The following ATP11B variants were observed in gnomAD, a reference collection of about 807,000 sequenced individuals.
ATP11B encodes the protein phospholipid-transporting ATPase IF.
ATP11B carries 81 observed loss-of-function variants against 157.8 expected under a neutral mutation model. That is an observed-to-expected ratio of 0.51 (90% CI 0.43 to 0.62). The LOEUF (loss-of-function observed/expected upper bound fraction) is 0.62. ATP11B is among the 20% of genes least tolerant of loss of function. The pLI is 0.00. For missense variants in ATP11B, 1,165 were observed against 1,402.2 expected (o/e 0.83, Z 2.70); for synonymous variants, 451 against 469.4 (o/e 0.96, Z 0.51).
Position 182,897,414 on chromosome 3 carries a change from A to AAT in ATP11B, c.3152+13_3152+14dup. On this transcript the variant is annotated intron_variant, in intron 27 of 29. Transcript: ENST00000323116. ...TTATGGAGGGATTCTCTGGTGAGTG[A>AAT]ATATATTGTATTTTAATTGGATTGC... 1 of 1,493,906 alleles carries AAT rather than the reference A, an allele frequency of 6.7e-7. No individual in the cohort carries two copies. Among genetic ancestry groups the AAT allele is most frequent in the Non-Finnish European group, 9.1e-7 (1 of 1,096,904 alleles). The allele number at this position is 1,493,906 out of a possible 1,614,324, so 92.5% of individuals were successfully genotyped here. A position where few individuals can be genotyped will look rare whatever the true frequency, so the allele number is the denominator to read the frequency against.
chr3:182,803,146 TA>T (rs1420343767), intron 1 of ATP11B, among the ~76,000 whole-genome samples: 1 of 152,216 alleles, frequency 6.6e-6, no homozygotes, highest in African/African-American at 2.4e-5. Flanking sequence ...TCACGTACAT[TA>T]TGACTGTTAC....
At chr3:182,858,146 A>C in intron 11 of ATP11B, 118 bp downstream of exon 11, 1 of 872,460 alleles carries the variant, frequency 1.1e-6, no homozygotes, top group East Asian at 2.7e-5. Flanking sequence ...TTGGTACTGA[A>C]GGGTGACAGA....
In ATP11B at chr3:182,918,160, G is replaced by A; in HGVS notation, c.*56G>A. 1 of 1,606,852 alleles carries A rather than the reference G, an allele frequency of 6.2e-7. No homozygotes were observed. The highest frequency in any genetic ancestry group is 8.5e-7 in the Non-Finnish European group (1 of 1,176,184). On this transcript the variant is annotated 3_prime_UTR_variant, in exon 30 of 30. Coordinates refer to ENST00000323116, the MANE Select transcript of ATP11B (RefSeq NM_014616.3). ...CACCTCCTTTCCTAAAATTCAGTGT[G>A]ATCACCCTGTTAATGGCCACACTAG...
intron 19 of ATP11B, among the ~76,000 whole-genome samples, chr3:182,874,939 T>G (rs1721922802): frequency 6.6e-6 from 1 of 152,106 alleles, no homozygotes. Context: ...AAATATTTAC[T>G]CTCTGGCCCG....
chr3:182,810,609 G>A (rs1343168577), intron 1 of ATP11B, among the ~76,000 whole-genome samples: 1 of 152,092 alleles, frequency 6.6e-6, no homozygotes, highest in African/African-American at 2.4e-5. Flanking sequence ...TTTTCTAAGT[G>A]AGTAGGATTC....
intron 1 of ATP11B, among the ~76,000 whole-genome samples, chr3:182,818,269 C>T (rs891542184): frequency 1.8e-4 from 27 of 152,212 alleles, no homozygotes; most frequent in Non-Finnish European, 1.5e-5. Flanking sequence ...TTGAGAAATA[C>T]AGCCCTAGAC....
rs975385960 is a variant in ATP11B, at chr3:182,918,299, T to C, written c.*195T>C. ...CCTCCCAACACCCTTAATTTGAATC[T>C]GAACATGTTAAAATTTGAGAATAAA... On this transcript the variant is annotated 3_prime_UTR_variant, in exon 30 of 30. Transcript: ENST00000323116. 1.4e-5 allele frequency: 9 copies of C among 647,162 alleles called. No individual in the cohort carries two copies. The highest frequency in any genetic ancestry group is 1.8e-5 in the Non-Finnish European group (8 of 437,096). 40.1% of individuals were successfully genotyped at this position (647,162 alleles called of 1,614,324 possible).
At chr3:182,883,421 C>A (rs1054541314) in intron 21 of ATP11B, among the ~76,000 whole-genome samples, 1 of 151,720 alleles carries the variant, frequency 6.6e-6, no homozygotes, top group Non-Finnish European at 1.5e-5. Flanking sequence ...CCATGCCCAA[C>A]TAATTTTTGT....
At chr3:182,852,723 G>A (rs1439574163) in intron 10 of ATP11B, among the ~76,000 whole-genome samples, 1 of 152,188 alleles carries the variant, frequency 6.6e-6, no homozygotes, top group African/African-American at 2.4e-5. Context: ...CAAAGTGTAA[G>A]ATCTAAGCAT....
At position 182,918,011 on chromosome 3, in the gene ATP11B, T is replaced by C. The variant is rs1725247963; in HGVS notation, c.3453-12T>C. ...CCTGGTGAGCCAAACTTTTCTCTTA[T>C]TGTTACTTTAGATCATGGAGTGCAT... On this transcript the variant is annotated splice_polypyrimidine_tract_variant and intron_variant, in intron 29 of 29. Transcript: ENST00000323116. 2 of 1,612,108 alleles carry C rather than the reference T, an allele frequency of 1.2e-6. No individual in the cohort carries two copies. Among genetic ancestry groups the C allele is most frequent in the Non-Finnish European group, 1.7e-6 (2 of 1,178,896 alleles).
chr3:182,818,522 A>G (rs1477242973), intron 1 of ATP11B, among the ~76,000 whole-genome samples: 1 of 152,212 alleles, frequency 6.6e-6, no homozygotes, highest in Non-Finnish European at 1.5e-5. Flanking sequence ...AGGACTTTAA[A>G]TAGTCTGAAC....
In ATP11B at chr3:182,895,392, C is replaced by G. The variant is rs904974269; in HGVS notation, c.2983-1308C>G. Among the ~76,000 whole-genome samples the G allele has an allele frequency of 3.9e-5, 6 of 152,106 alleles. No individual in the cohort carries two copies. In the South Asian group the frequency reaches 1.0e-3, roughly 26 times the overall value. The stretch of plus-strand genomic sequence containing the variant: ...ATCATAACTATTATTTACTGATTGC[C>G]TATTATATACCAGGTACCCCATTCT... On this transcript the variant is annotated intron_variant, in intron 25 of 29. Transcript: ENST00000323116.
At chr3:182,834,479 C>T (rs983499618) in intron 4 of ATP11B, among the ~76,000 whole-genome samples, 2 of 152,160 alleles carry the variant, frequency 1.3e-5, no homozygotes, top group African/African-American at 4.8e-5. Flanking sequence ...GTCCAGATAT[C>T]TATGCAAAGT....
At chr3:182,896,243 G>A (rs980742160) in intron 25 of ATP11B, among the ~76,000 whole-genome samples, 4 of 152,122 alleles carry the variant, frequency 2.6e-5, no homozygotes, top group South Asian at 2.1e-4. Context: ...TCAGATACAG[G>A]TTTTAAGTGT....
chr3:182,810,276 G>A (rs564606661), intron 1 of ATP11B, among the ~76,000 whole-genome samples: 51 of 152,170 alleles, frequency 3.4e-4, no homozygotes, highest in African/African-American at 1.2e-3. Context: ...AGGTTGCAGC[G>A]AGCCGAGATG....
In ATP11B at chr3:182,873,892, A is replaced by G. The variant is rs1322943519; in HGVS notation, c.2129A>G (p.His710Arg). ...IKVWVLTGDK[H>R]ETAVSVSLSC... Reference sequence around the variant, plus strand: ...GTATGGGTACTTACTGGGGATAAACATGAAACAGCTGTTAGTGTGAGTTTA... The same window carrying G: ...GTATGGGTACTTACTGGGGATAAACGTGAAACAGCTGTTAGTGTGAGTTTA... Residue 710 changes from histidine (H) to arginine (R), a missense_variant, in exon 19 of 30, where the codon CAT (histidine) becomes CGT (arginine). Physicochemically the swap from His to Arg is conservative, Grantham distance 29. This residue lies in a region of ATP11B where 737 missense variants were observed against 930.5 expected (regional missense o/e 0.79). Coordinates refer to ENST00000323116, the MANE Select transcript of ATP11B (RefSeq NM_014616.3). 1.2e-6 allele frequency: 2 copies of G among 1,614,174 alleles called. No homozygotes were observed. Among genetic ancestry groups the G allele is most frequent in the Admixed American group, 1.7e-5 (1 of 60,038 alleles).
intron 10 of ATP11B, among the ~76,000 whole-genome samples, chr3:182,852,136 T>C (rs181342258): frequency 2.4e-4 from 36 of 152,326 alleles, no homozygotes; most frequent in African/African-American, 8.4e-4. Flanking sequence ...TCTGCAAATA[T>C]TTTGAAATTA....
chr3:182,831,808 G>T (rs1382224290), intron 4 of ATP11B, among the ~76,000 whole-genome samples: 1 of 151,128 alleles, frequency 6.6e-6, no homozygotes, highest in Non-Finnish European at 1.5e-5. Context: ...TTATTCTTTT[G>T]TTCTATTGAT....
chr3:182,859,524 T>C (rs1419311339), intron 12 of ATP11B, among the ~76,000 whole-genome samples, 165 bp downstream of exon 12: 2 of 152,180 alleles, frequency 1.3e-5, no homozygotes, highest in South Asian at 2.1e-4. Flanking sequence ...GTTGTTTCTT[T>C]TGTTATTTAC....
Sources: gnomAD v4.1 joint callset for allele counts (sites outside exome capture counted in the v4.1 genomes callset) on GRCh38, gnomAD v4.1.1 for gene constraint, gnomAD v4.1.1 regional missense constraint, MANE v1.5 for transcripts, NCBI Gene and HGNC (gene_info 2026-07-23, HGNC 2026-07-21) for gene names.